The following WFS1 variants were observed in gnomAD, a reference collection of about 807,000 sequenced individuals.
WFS1 encodes wolframin.
In WFS1, 90 loss-of-function variants were observed where a neutral mutation model predicts 68.5. The observed-to-expected ratio is 1.31, with a 90% confidence interval of 1.11 to 1.56. The LOEUF is 1.56. Ranked by LOEUF, WFS1 falls within the 40% of genes most tolerant of loss-of-function variation. The pLI, the probability that WFS1 is intolerant of heterozygous loss-of-function variation, is 0.00. For synonymous variants in WFS1, 860 were observed against 540.7 expected (o/e 1.59, Z -8.19); for missense variants, 1,767 against 1,232.6 (o/e 1.43, Z -6.49).
At position 6,278,409 on chromosome 4, in the gene WFS1, C is replaced by T. The variant is rs148152206; in HGVS notation, c.232+722C>T. Among the ~76,000 whole-genome samples the T allele has an allele frequency of 8.6e-4, 131 of 152,324 alleles. 1 individual carries two copies. The highest frequency in any genetic ancestry group is 2.1e-3 in the Admixed American group (32 of 15,306). On this transcript the variant is annotated intron_variant, in intron 2 of 7. Coordinates refer to ENST00000226760, the MANE Select transcript of WFS1 (RefSeq NM_006005.3). Reference sequence around the variant, plus strand: ...CAGCCTTCACTTTTGCTAGAGAGGCCGCTGCCAGGGAGGCTCAGTCCCAGC... The same window carrying T: ...CAGCCTTCACTTTTGCTAGAGAGGCTGCTGCCAGGGAGGCTCAGTCCCAGC...
Position 6,277,605 on chromosome 4 carries a change from T to G in WFS1, c.150T>G (p.Pro50=). The part of the protein sequence containing the change: ...RPRAPGPQAG[P]GPGVRDAAAP... ...GAGCACCCGGACCCCAGGCTGGCCC[T>G]GGCCCTGGTGTTAGAGACGCAGCGG... The change falls in exon 2 of 8, where the codon CCT becomes CCG. Residue 50 remains proline (P), a synonymous_variant. Transcript: ENST00000226760. The G allele has an allele frequency of 6.3e-7, 1 of 1,575,918 alleles. No homozygotes were observed.
rs1480614527 is a variant in WFS1 at position 6,294,587 on chromosome 4, A to G, written c.713-454A>G. Among the ~76,000 whole-genome samples the G allele has an allele frequency of 4.6e-5, 7 of 152,080 alleles. No homozygotes were observed. The East Asian group carries it at 1.4e-3, about 29-fold the overall frequency. On this transcript the variant is annotated intron_variant, in intron 6 of 7. Transcript: ENST00000226760. ...TTGAATGGAGGGGTTGGGGGCGCAG[A>G]TCATGTTCGATGGAGCGGTTGGCAG...
Position 6,300,926 on chromosome 4 carries a change from C to T in WFS1, c.1131C>T (p.Leu377=), listed in dbSNP as rs1308701817. 6 of 1,614,094 alleles carry T rather than the reference C, an allele frequency of 3.7e-6. No individual in the cohort carries two copies. The African/African-American group carries it at 4.0e-5, about 11-fold the overall frequency. The change falls in exon 8 of 8, where the codon CTC becomes CTT. Residue 377 remains leucine (L), a synonymous_variant. Transcript: ENST00000226760. The part of the protein sequence containing the change: ...DSKAWENFRT[L]TDLLLRFEPN... ...AGGCCTGGGAGAACTTCCGCACCCT[C>T]ACCGACCTGCTGCTGCGCTTCGAGC...
rs974292484 is a variant in WFS1, at chr4:6,283,236, A to G, written c.233-3857A>G. 6.6e-6 allele frequency among the ~76,000 whole-genome samples: 1 copy of G among 152,202 alleles called. No homozygotes were observed. Among genetic ancestry groups the G allele is most frequent in the Non-Finnish European group, 1.5e-5 (1 of 68,020 alleles). On this transcript the variant is annotated intron_variant, in intron 2 of 7. Transcript: ENST00000226760. The surrounding 1 kb of genome is among the most constrained non-coding windows in gnomAD (Gnocchi z 5.0). ...ATTAAAAAGATGTAGGGTGTTCTCC[A>G]TAGAACCTCACAGAGGGAAGGAGAC...
At chr4:6,286,655 A>G (rs1017436621) in intron 2 of WFS1, among the ~76,000 whole-genome samples, 2 of 152,234 alleles carry the variant, frequency 1.3e-5, no homozygotes, top group Non-Finnish European at 2.9e-5. Context: ...GAAAACATGA[A>G]CTTGATTTGT....
intron 2 of WFS1, among the ~76,000 whole-genome samples, chr4:6,281,763 G>A (rs1426938422): frequency 1.3e-5 from 2 of 152,254 alleles, no homozygotes; most frequent in East Asian, 3.9e-4. Context: ...GGCACCCACC[G>A]TTGATTATTT....
chr4:6,280,494 C>T (rs1730128549), intron 2 of WFS1, among the ~76,000 whole-genome samples: 1 of 152,212 alleles, frequency 6.6e-6, no homozygotes, highest in Non-Finnish European at 1.5e-5. Flanking sequence ...AAGCCTCACT[C>T]AGCCACCGTG....
chr4:6,300,350 A>G (rs1387379754), intron 7 of WFS1, among the ~76,000 whole-genome samples: 2 of 152,100 alleles, frequency 1.3e-5, no homozygotes, highest in Non-Finnish European at 2.9e-5. Context: ...GGGTCCCTCC[A>G]GTGCTGGAGG....
At chr4:6,275,487 A>T (rs1729965426) in intron 1 of WFS1, among the ~76,000 whole-genome samples, 1 of 148,792 alleles carries the variant, frequency 6.7e-6, no homozygotes, top group South Asian at 2.1e-4. Context: ...GAACTTGGAA[A>T]CAGGATGGAG....
At chr4:6,298,438 G>C (rs1367079329) in intron 7 of WFS1, among the ~76,000 whole-genome samples, 1 of 151,690 alleles carries the variant, frequency 6.6e-6, no homozygotes, top group Non-Finnish European at 1.5e-5. Flanking sequence ...GAAGGTTGTT[G>C]ACCCCAGAGA....
At position 6,302,468 on chromosome 4, in the gene WFS1, A is replaced by G; in HGVS notation, c.2673A>G (p.Ter891TrpextTer14). 6.2e-7 allele frequency: 1 copy of G among 1,612,608 alleles called. No homozygotes were observed. Among genetic ancestry groups the G allele is most frequent in the Non-Finnish European group, 8.5e-7 (1 of 1,180,034 alleles). Residue 891 changes from the stop codon to tryptophan (W), a stop_lost, in exon 8 of 8, where the codon TGA becomes TGG. Coordinates refer to ENST00000226760, the MANE Select transcript of WFS1 (RefSeq NM_006005.3). ...FFFFPFLSAA* is the reference protein window; with the variant it reads ...FFFFPFLSAAW ...TCTTCCCATTCCTGTCGGCGGCCTGAGGATGGTCCGCCACGAGGAGCTTCC... is the reference window on the plus strand; with the variant it reads ...TCTTCCCATTCCTGTCGGCGGCCTGGGGATGGTCCGCCACGAGGAGCTTCC...
intron 7 of WFS1, among the ~76,000 whole-genome samples, chr4:6,299,481 TG>T (rs1730764969): frequency 8.2e-6 from 1 of 121,720 alleles, no homozygotes. Context: ...CGTGTGGGGG[TG>T]GGTGTGCACG....
chr4:6,302,025 C>T lies in WFS1; in HGVS notation c.2230C>T (p.Pro744Ser), dbSNP rs1730951803. The T allele has an allele frequency of 1.9e-6, 3 of 1,612,784 alleles. No homozygotes were observed. The highest frequency in any genetic ancestry group is 1.3e-5 in the African/African-American group (1 of 75,076). Residue 744 changes from proline to serine, a missense_variant, in exon 8 of 8, where the codon CCT (proline) becomes TCT (serine). By Grantham distance (74) the Pro-to-Ser change is moderately conservative. Transcript: ENST00000226760. ...CGGCGAGGCCTACCCTGCCTGCAGC[C>T]CTGGCAACACCTCCACGGCCGAGGA... ...LYGEAYPACS[P>S]GNTSTAEEEL...
chr4:6,293,711 G>A (rs1037011423), intron 6 of WFS1, among the ~76,000 whole-genome samples: 2 of 152,174 alleles, frequency 1.3e-5, no homozygotes, highest in African/African-American at 4.8e-5. Context: ...AGGACATCCT[G>A]CCCAAGGTAT....
chr4:6,298,515 C>T (rs1310763923), intron 7 of WFS1, among the ~76,000 whole-genome samples: 2 of 149,874 alleles, frequency 1.3e-5, no homozygotes, highest in Non-Finnish European at 3.0e-5. Flanking sequence ...ATTAAGTGGA[C>T]TGTCACAAAT....
chr4:6,301,022 G>A lies in WFS1; in HGVS notation c.1227G>A (p.Leu409=), dbSNP rs773225305. Residue 409 remains leucine (L), a synonymous_variant, in exon 8 of 8, where the codon CTG becomes CTA. Transcript: ENST00000226760. ...ACCTGGAGCCCTATGCCCATTTCCT[G>A]CTCTCTGTCTTCTTCGTCATCTTCT... is the stretch of plus-strand genomic sequence containing the variant. ...WNHLEPYAHF[L]LSVFFVIFSF... 14 of 1,614,030 alleles carry A rather than the reference G, an allele frequency of 8.7e-6. No homozygotes were observed. The highest frequency in any genetic ancestry group is 5.3e-5 in the African/African-American group (4 of 74,892).
intron 1 of WFS1, among the ~76,000 whole-genome samples, chr4:6,273,299 G>C (rs192129833): frequency 6.6e-6 from 1 of 152,346 alleles, no homozygotes; most frequent in Non-Finnish European, 1.5e-5. Context: ...GTGTTTGGAC[G>C]GGATAAAAAT....
chr4:6,281,956 G>A (rs182077424), intron 2 of WFS1, among the ~76,000 whole-genome samples: 137 of 152,342 alleles, frequency 9.0e-4, no homozygotes, highest in Non-Finnish European at 1.4e-3. Flanking sequence ...GTCACCTCCA[G>A]GAACCCTCCC....
Position 6,301,382 on chromosome 4 carries a change from C to T in WFS1, c.1587C>T (p.Cys529=). 1 of 1,612,578 alleles carries T rather than the reference C, an allele frequency of 6.2e-7. No homozygotes were observed. The highest frequency in any genetic ancestry group is 8.5e-7 in the Non-Finnish European group (1 of 1,180,036). Residue 529 remains cysteine (C), a synonymous_variant, in exon 8 of 8, where the codon TGC becomes TGT. Coordinates refer to ENST00000226760, the MANE Select transcript of WFS1 (RefSeq NM_006005.3). The stretch of plus-strand genomic sequence containing the variant: ...TGAGGAATTTCAAGGGCACCTACTG[C>T]TACCTTGTGCCCTACCTGGTGTGCT... ...AQLRNFKGTY[C]YLVPYLVCFM...
Sources: allele counts gnomAD v4.1 joint callset (sites outside exome capture counted in the v4.1 genomes callset), GRCh38; gene constraint gnomAD v4.1.1; non-coding constraint Gnocchi (gnomAD v3.1); transcripts MANE v1.5; gene names NCBI Gene and HGNC (gene_info 2026-07-23, HGNC 2026-07-21).